Variants in HSD17B14 observed in about 807,000 individuals in gnomAD.
HSD17B14 encodes L-fucose dehydrogenase.
A neutral mutation model predicts 32.2 loss-of-function variants in HSD17B14; 32 were observed. That is an observed-to-expected ratio of 0.99 (90% CI 0.75 to 1.33). HSD17B14 has a LOEUF of 1.33. Ranked by LOEUF, HSD17B14 falls within the 40% of genes most tolerant of loss-of-function variation. The pLI, the probability that HSD17B14 is intolerant of heterozygous loss-of-function variation, is 0.00. For missense variants in HSD17B14, 370 were observed against 366.5 expected (o/e 1.01, Z -0.08); for synonymous variants, 140 against 155.4 (o/e 0.90, Z 0.74).
intron 5 of HSD17B14, among the ~76,000 whole-genome samples, chr19:48,826,207 G>A (rs1314730101): frequency 6.6e-6 from 1 of 151,734 alleles, no homozygotes; most frequent in Non-Finnish European, 1.5e-5. Flanking sequence ...AATGAAAAAA[G>A]ATAGGCCGGA....
chr19:48,829,190 T>TCC (rs1356521902), intron 5 of HSD17B14, among the ~76,000 whole-genome samples: 1 of 151,714 alleles, frequency 6.6e-6, no homozygotes, highest in Admixed American at 6.6e-5. Context: ...TCCCCAGCTC[T>TCC]CCCCCAATTC....
At chr19:48,826,387 G>A (rs1200338821) in intron 5 of HSD17B14, among the ~76,000 whole-genome samples, 2 of 148,594 alleles carry the variant, frequency 1.3e-5, no homozygotes, top group Non-Finnish European at 3.0e-5. Context: ...TCAGGTCCTC[G>A]GGAGGCTGAG....
intron 5 of HSD17B14, among the ~76,000 whole-genome samples, chr19:48,818,366 A>G (rs2122748391): frequency 6.6e-6 from 1 of 151,534 alleles, no homozygotes; most frequent in East Asian, 1.9e-4. Context: ...ATGAACGTGA[A>G]TGATGTGGGC....
chr19:48,836,439 C>CT lies in HSD17B14; in HGVS notation c.-29dup. On this transcript the variant is annotated 5_prime_UTR_variant, in exon 1 of 9. Transcript: ENST00000263278. ...CGTGTACGTCGGTCTCTCTCTCTCT[C>CT]TACTCTGGGCCTCTTTCACCTCCAA... The CT allele has an allele frequency of 6.3e-7, 1 of 1,592,780 alleles. No homozygotes were observed.
At chr19:48,817,168 C>CA (rs1466105224) in intron 5 of HSD17B14, among the ~76,000 whole-genome samples, 2 of 97,082 alleles carry the variant, frequency 2.1e-5, no homozygotes, top group East Asian at 2.5e-4. Flanking sequence ...TTTTTAACAA[C>CA]AAAAAAATAT....
intron 5 of HSD17B14, among the ~76,000 whole-genome samples, chr19:48,817,154 A>AT (rs1010097137): frequency 2.2e-5 from 3 of 138,396 alleles, no homozygotes; most frequent in East Asian, 2.1e-4. Flanking sequence ...GCCTGTCTTT[A>AT]TTTTTTTTAA....
At chr19:48,825,747 A>C (rs2035232556) in intron 5 of HSD17B14, among the ~76,000 whole-genome samples, 1 of 152,102 alleles carries the variant, frequency 6.6e-6, no homozygotes. Flanking sequence ...AGTGGCAGAG[A>C]ATTTAGGCAA....
chr19:48,825,305 A>C (rs2035226629), intron 5 of HSD17B14, among the ~76,000 whole-genome samples: 1 of 151,678 alleles, frequency 6.6e-6, no homozygotes, highest in Non-Finnish European at 1.5e-5. Flanking sequence ...CGGGTAGAGC[A>C]AGTTATTCTT....
At position 48,835,593 on chromosome 19, in the gene HSD17B14, G is replaced by T. The variant is rs532504435; in HGVS notation, c.127+212C>A. ...TCTGGGTCTGAGGGAGGAGGGGCTG[G>T]GGACCTGGACTCCTGGGTCTGAGGG... is the stretch of plus-strand genomic sequence containing the variant. On this transcript the variant is annotated intron_variant, in intron 2 of 8. Transcript: ENST00000263278. Among the ~76,000 whole-genome samples the T allele has an allele frequency of 2.1e-5, 3 of 143,938 alleles. No individual in the cohort carries two copies. The South Asian group carries it at 6.6e-4, about 32-fold the overall frequency. The allele number at this position is 143,938 out of a possible 152,430, so 94.4% of individuals were successfully genotyped here.
At position 48,832,079 on chromosome 19, in the gene HSD17B14, G is replaced by GAAAA. The variant is rs71294393; in HGVS notation, c.278-324_278-321dup. ...GGCGACAGAGTGAGACCCCATCTCA[G>GAAAA]AAAAAAAAAAAAAAAAAAAGCCGGG... On this transcript the variant is annotated intron_variant, in intron 4 of 8. Transcript: ENST00000263278. 1.5e-4 allele frequency among the ~76,000 whole-genome samples: 9 copies of GAAAA among 60,080 alleles called. 1 individual carries two copies. The highest frequency in any genetic ancestry group is 6.8e-4 in the South Asian group (1 of 1,480). The allele number at this position is 60,080 out of a possible 152,430, so 39.4% of individuals were successfully genotyped here.
intron 5 of HSD17B14, among the ~76,000 whole-genome samples, chr19:48,818,321 AAAAG>A: frequency 3.2e-5 from 3 of 92,410 alleles, no homozygotes; most frequent in East Asian, 2.8e-4. Context: ...AAAAAAAGAA[AAAAG>A]AAAAAAGAAA....
At chr19:48,824,366 T>C (rs2035207885) in intron 5 of HSD17B14, among the ~76,000 whole-genome samples, 1 of 138,432 alleles carries the variant, frequency 7.2e-6, no homozygotes, top group Non-Finnish European at 1.6e-5. Context: ...AGCCCAAGAG[T>C]TCAAGGCTGC....
At chr19:48,829,695 G>A (rs2035305810) in intron 5 of HSD17B14, among the ~76,000 whole-genome samples, 1 of 139,610 alleles carries the variant, frequency 7.2e-6, no homozygotes, top group African/African-American at 2.8e-5. Flanking sequence ...CCAGGCTGGA[G>A]TGCAATGGCA....
rs977564203 is a variant in HSD17B14, at chr19:48,834,149, C to G, written c.210+127G>C. ...GTGTGGAGTGACACTGGGTGGAAAC[C>G]TTTGACGAGTCCAGCGGAGCCAGGA... On this transcript the variant is annotated intron_variant, in intron 3 of 8. Coordinates refer to ENST00000263278, the MANE Select transcript of HSD17B14 (RefSeq NM_016246.3). The G allele has an allele frequency of 9.5e-6, 7 of 738,150 alleles. No homozygotes were observed. The African/African-American group carries it at 1.2e-4, about 13-fold the overall frequency. The allele number at this position is 738,150 out of a possible 1,614,324, so 45.7% of individuals were successfully genotyped here.
chr19:48,820,002 C>CA (rs1487043809), intron 5 of HSD17B14, among the ~76,000 whole-genome samples: 2 of 151,958 alleles, frequency 1.3e-5, no homozygotes, highest in Non-Finnish European at 2.9e-5. Context: ...AACAAAAATA[C>CA]AAAAATTAGC....
At chr19:48,816,533 C>T (rs967142706) in intron 5 of HSD17B14, among the ~76,000 whole-genome samples, 2 of 152,118 alleles carry the variant, frequency 1.3e-5, no homozygotes, top group Non-Finnish European at 2.9e-5. Context: ...TTTTTGGGGA[C>T]ATGGTATTTT....
At chr19:48,819,058 G>A (rs1024203351) in intron 5 of HSD17B14, among the ~76,000 whole-genome samples, 2 of 152,028 alleles carry the variant, frequency 1.3e-5, no homozygotes, top group African/African-American at 4.8e-5. Context: ...GCACGATCTC[G>A]GCTCACTGCA....
rs1219885666 is a variant in HSD17B14 at position 48,813,670 on chromosome 19, C to T, written c.535G>A (p.Val179Ile). ...CTGCTCAGAGCAGCTCACCAGTTGA[C>T]TCGGACACCATATGGACTTTCATCC... is the stretch of plus-strand genomic sequence containing the variant. ...ALDESPYGVR[V>I]NCISPGNIWT... is the part of the protein sequence containing the mutation. Residue 179 changes from valine (V) to isoleucine (I), a missense_variant, in exon 7 of 9, where the codon GTC (valine) becomes ATC (isoleucine). Val to Ile is a conservative substitution (Grantham distance 29, BLOSUM62 3). Coordinates refer to ENST00000263278, the MANE Select transcript of HSD17B14 (RefSeq NM_016246.3). 2.5e-6 allele frequency: 4 copies of T among 1,614,094 alleles called. No homozygotes were observed. Among genetic ancestry groups the T allele is most frequent in the Non-Finnish European group, 3.4e-6 (4 of 1,180,040 alleles).
rs2122725810 is a variant in HSD17B14 at position 48,813,322 on chromosome 19, A to AT, written c.665_666insA (p.Glu223Ter). The AT allele has an allele frequency of 6.3e-7, 1 of 1,593,522 alleles. No individual in the cohort carries two copies. Among genetic ancestry groups the AT allele is most frequent in the Admixed American group, 1.8e-5 (1 of 56,532 alleles). On this transcript the variant is annotated frameshift_variant, in exon 9 of 9. Transcript: ENST00000263278. LOFTEE classifies it low-confidence loss of function (END_TRUNC). ...GGAACACTGCCGCAGCCCCGACCTC[A>AT]GCGGGCTGGCCCATGCGGCCCAGTG...
Sources: allele counts gnomAD v4.1 joint callset (sites outside exome capture counted in the v4.1 genomes callset), GRCh38; gene constraint gnomAD v4.1.1; transcripts MANE v1.5; gene names NCBI Gene and HGNC (gene_info 2026-07-23, HGNC 2026-07-21).